The following CPSF4L variants were observed in gnomAD, a reference collection of about 807,000 sequenced individuals.
CPSF4L encodes the protein putative cleavage and polyadenylation specificity factor subunit 4-like protein.
CPSF4L carries 18 observed loss-of-function variants against 24.0 expected under a neutral mutation model. The observed-to-expected ratio is 0.75, with a 90% CI of 0.52 to 1.11. CPSF4L has a LOEUF of 1.11. Among genes scored for constraint, CPSF4L ranks in the 50% least tolerant of loss-of-function variants. CPSF4L has a pLI of 0.00. For missense variants in CPSF4L, 211 were observed against 221.8 expected (o/e 0.95, Z 0.31); for synonymous variants, 72 against 77.2 (o/e 0.93, Z 0.35).
downstream of CPSF4L, chr17:73,245,711 G>A: frequency 5.1e-6 from 5 of 985,346 alleles, no homozygotes; most frequent in Non-Finnish European, 4.8e-6. Flanking sequence ...GCTAAGGATG[G>A]GCATTCGAGT....
downstream of CPSF4L, chr17:73,245,646 C>G (rs2061940188): frequency 1.0e-6 from 1 of 985,342 alleles, no homozygotes; most frequent in Non-Finnish European, 1.2e-6. Context: ...GGCCCTTCCC[C>G]TTAGTTTCTT....
At chr17:73,247,176 G>A (rs193029026), downstream of CPSF4L, 6,952 of 1,414,220 alleles carry the variant, frequency 4.9e-3, 23 homozygotes, top group Non-Finnish European at 6.3e-3. Context: ...CAGCAAAGTC[G>A]AGTAGTTGCG....
At chr17:73,247,937 G>C (rs2061974700), downstream of CPSF4L, 1 of 154,326 alleles carries the variant, frequency 6.5e-6, no homozygotes, top group Admixed American at 6.4e-5. Context: ...CTGCCACCTG[G>C]GTTGGGAAAA....
At chr17:73,261,922 C>A (rs1025571047), upstream of CPSF4L, 3 of 832,134 alleles carry the variant, frequency 3.6e-6, no homozygotes, top group East Asian at 2.7e-5. Flanking sequence ...ATGCCTCCCC[C>A]TTCACCCCAG....
Position 73,257,704 on chromosome 17 carries a change from T to C in CPSF4L, c.284A>G (p.Glu95Gly). The C allele has an allele frequency of 6.4e-7, 1 of 1,551,660 alleles. No homozygotes were observed. Among genetic ancestry groups the C allele is most frequent in the Non-Finnish European group, 8.7e-7 (1 of 1,147,004 alleles). ...ACCAAACTTGGAGTAGAAGTAGCAC[T>C]CAGGCATCCTGGTGAGGTCATACTG... ...LHQYDLTRMP[E>G]CYFYSKFGDC... The change falls in exon 3 of 6, where the codon GAG becomes GGG. Residue 95 changes from glutamate (E) to glycine (G), a missense_variant. Coordinates refer to ENST00000344935, the MANE Select transcript of CPSF4L (RefSeq NM_001129885.1).
the CPSF4L span, chr17:73,242,365 T>A: frequency 6.6e-7 from 1 of 1,512,892 alleles, no homozygotes; most frequent in South Asian, 1.2e-5. Flanking sequence ...AGGCTGGAGT[T>A]TGACTGTTGT....
At chr17:73,259,534 G>A (rs563402695) in intron 2 of CPSF4L, among the ~76,000 whole-genome samples, 1 of 152,238 alleles carries the variant, frequency 6.6e-6, no homozygotes, top group African/African-American at 2.4e-5. Context: ...TGACTTGCTT[G>A]GTTCTGACCT....
intron 3 of CPSF4L, among the ~76,000 whole-genome samples, chr17:73,255,851 C>T (rs1056688247): frequency 3.3e-5 from 5 of 152,144 alleles, no homozygotes; most frequent in African/African-American, 1.2e-4. Flanking sequence ...GCATTCCTGG[C>T]CTGGCCAGCA....
chr17:73,259,833 C>T lies in CPSF4L; in HGVS notation c.154+1100G>A, dbSNP rs548466308. 2.6e-5 allele frequency among the ~76,000 whole-genome samples: 4 copies of T among 152,300 alleles called. No individual in the cohort carries two copies. In the South Asian group the frequency reaches 8.3e-4, roughly 32 times the overall value. ...GGACAGACTCATTTGGATCAGAAAA[C>T]ATGTCCTAAACTCTCACACCAGTGA... is the stretch of plus-strand genomic sequence containing the variant. On this transcript the variant is annotated intron_variant, in intron 2 of 5. Coordinates refer to ENST00000344935, the MANE Select transcript of CPSF4L (RefSeq NM_001129885.1).
downstream of CPSF4L, chr17:73,245,088 T>C (rs1027503722): frequency 7.5e-7 from 1 of 1,329,752 alleles, no homozygotes; most frequent in Non-Finnish European, 1.1e-6. Flanking sequence ...AAAAAGAGAA[T>C]GATCTGTAGA....
intron 2 of CPSF4L, 128 bp from the exon 3 acceptor site, chr17:73,257,961 C>T: frequency 4.3e-6 from 4 of 935,616 alleles, no homozygotes; most frequent in Non-Finnish European, 6.3e-6. Context: ...ATCCCTTCAC[C>T]TGGACCCTGT....
In CPSF4L at chr17:73,257,308, A is replaced by G. The variant is rs370322762; in HGVS notation, c.307+373T>C. ...TTTGAGGGTACAGCAGGCATCGTGA[A>G]TGTGGCTCTGAAGGCCTGATATTCG... On this transcript the variant is annotated intron_variant, in intron 3 of 5. Coordinates refer to ENST00000344935, the MANE Select transcript of CPSF4L (RefSeq NM_001129885.1). Among the ~76,000 whole-genome samples the G allele has an allele frequency of 5.3e-5, 8 of 152,136 alleles. No individual in the cohort carries two copies. The East Asian group carries it at 7.7e-4, about 15-fold the overall frequency.
At chr17:73,250,163 A>G (rs1372537859) in intron 5 of CPSF4L, 1 of 1,421,282 alleles carries the variant, frequency 7.0e-7, no homozygotes, top group Non-Finnish European at 9.6e-7. Flanking sequence ...TTAGGATGAC[A>G]GCAGGCTTAC....
At chr17:73,259,713 A>G (rs1782445644) in intron 2 of CPSF4L, among the ~76,000 whole-genome samples, 1 of 152,176 alleles carries the variant, frequency 6.6e-6, no homozygotes, top group African/African-American at 2.4e-5. Flanking sequence ...TTCTCCCTGT[A>G]TGGTCTAGGG....
At chr17:73,242,118 A>G in the CPSF4L span, 3 of 551,228 alleles carry the variant, frequency 5.4e-6, no homozygotes, top group African/African-American at 3.9e-5. Flanking sequence ...CAATGCAGAA[A>G]TCTTTAATGC....
intron 5 of CPSF4L, among the ~76,000 whole-genome samples, chr17:73,251,589 C>A (rs1032806121): frequency 4.6e-5 from 7 of 152,238 alleles, no homozygotes; most frequent in Non-Finnish European, 1.0e-4. Flanking sequence ...AGCCACTGGA[C>A]TCTGCCATTG....
chr17:73,256,501 A>G (rs1006513258), intron 3 of CPSF4L, among the ~76,000 whole-genome samples: 52 of 152,308 alleles, frequency 3.4e-4, no homozygotes, highest in African/African-American at 1.2e-3. Flanking sequence ...AAGCCTCCTG[A>G]GTCAGGGGCA....
chr17:73,261,643 A>G, intron 1 of CPSF4L, 73 bp downstream of exon 1: 4 of 1,042,234 alleles, frequency 3.8e-6, no homozygotes, highest in South Asian at 2.7e-5. Context: ...CCTGGGCTAC[A>G]GAGCGAGACT....
chr17:73,245,202 A>G, downstream of CPSF4L: 1 of 1,613,622 alleles, frequency 6.2e-7, no homozygotes, highest in Non-Finnish European at 8.5e-7. Context: ...GTTGACCTGG[A>G]CATCACTTAA....
Sources: gnomAD v4.1 joint callset for allele counts (sites outside exome capture counted in the v4.1 genomes callset) on GRCh38, gnomAD v4.1.1 for gene constraint, MANE v1.5 for transcripts, NCBI Gene and HGNC (gene_info 2026-07-23, HGNC 2026-07-21) for gene names.